The following UBTD2 variants were observed in gnomAD, a reference collection of about 807,000 sequenced individuals.
UBTD2 encodes ubiquitin domain containing 2, also known as ubiquitin domain-containing protein 2.
UBTD2 carries 9 observed loss-of-function variants against 19.8 expected under a neutral mutation model. The observed-to-expected ratio is 0.46, with a 90% CI of 0.27 to 0.79. The LOEUF is 0.79. Among genes scored for constraint, UBTD2 ranks in the 30% least tolerant of loss-of-function variants. UBTD2 has a pLI of 0.14. For missense variants in UBTD2, 250 were observed against 300.4 expected, an observed-to-expected ratio of 0.83 and a Z score of 1.24; for synonymous variants, 98 against 103.9, an observed-to-expected ratio of 0.94 and a Z score of 0.35.
chr5:172,237,857 T>C (rs17074539), intron 1 of UBTD2, among the ~76,000 whole-genome samples: 7,484 of 152,344 alleles, frequency 0.049, 247 homozygotes, highest in Non-Finnish European at 0.075. Flanking sequence ...TGAAATAACA[T>C]CTTTAAGTCC....
intron 1 of UBTD2, among the ~76,000 whole-genome samples, chr5:172,261,194 G>A (rs1378936670): frequency 6.6e-6 from 1 of 152,124 alleles, no homozygotes; most frequent in Non-Finnish European, 1.5e-5. Flanking sequence ...TATAAAACCA[G>A]AAGGTGACCC....
intron 1 of UBTD2, among the ~76,000 whole-genome samples, chr5:172,243,871 C>CT (rs1217864007): frequency 3.5e-4 from 53 of 151,952 alleles, no homozygotes; most frequent in Admixed American, 1.1e-3. Context: ...TAATGGAATT[C>CT]TTTTTTTACA....
intron 2 of UBTD2, among the ~76,000 whole-genome samples, chr5:172,218,856 C>T (rs1771600066): frequency 7.0e-6 from 1 of 142,212 alleles, no homozygotes; most frequent in Non-Finnish European, 1.6e-5. Flanking sequence ...AAGCTGATTA[C>T]AAGGTTTTAT....
chr5:172,258,262 T>G (rs1232826875), intron 1 of UBTD2, among the ~76,000 whole-genome samples: 1 of 152,236 alleles, frequency 6.6e-6, no homozygotes, highest in African/African-American at 2.4e-5. Context: ...GGGAGTCCTT[T>G]CCCCACTGCT....
intron 1 of UBTD2, among the ~76,000 whole-genome samples, chr5:172,263,801 C>A (rs1444156400): frequency 3.3e-5 from 5 of 150,408 alleles, no homozygotes; most frequent in South Asian, 4.2e-4. Flanking sequence ...TCAAAAAAAA[C>A]CACAAAATCT....
At chr5:172,228,200 C>A (rs1219648443) in intron 2 of UBTD2, among the ~76,000 whole-genome samples, 1 of 152,150 alleles carries the variant, frequency 6.6e-6, no homozygotes, top group Non-Finnish European at 1.5e-5. Flanking sequence ...AGACTAAACA[C>A]TGAAGATTAC....
intron 1 of UBTD2, among the ~76,000 whole-genome samples, chr5:172,237,361 G>C (rs1982851): frequency 0.32 from 49,283 of 152,038 alleles, 8,080 homozygotes; most frequent in South Asian, 0.42. Context: ...CAAAGTGCTG[G>C]AATTACAGGC....
intron 1 of UBTD2, among the ~76,000 whole-genome samples, chr5:172,270,410 T>C (rs1755463062): frequency 7.2e-6 from 1 of 138,616 alleles, no homozygotes; most frequent in African/African-American, 2.8e-5. Context: ...CAGGCCGGAG[T>C]GCAATGGTGC....
chr5:172,232,316 T>TAAAAAAA (rs10558751), intron 2 of UBTD2, among the ~76,000 whole-genome samples: 1 of 132,036 alleles, frequency 7.6e-6, no homozygotes, highest in African/African-American at 2.7e-5. Context: ...CTCACTGTCA[T>TAAAAAAA]AAAAAAAAAA....
At chr5:172,256,037 C>T (rs1324837767) in intron 1 of UBTD2, among the ~76,000 whole-genome samples, 1 of 151,156 alleles carries the variant, frequency 6.6e-6, no homozygotes, top group Non-Finnish European at 1.5e-5. Flanking sequence ...TGCAGTGAGC[C>T]GAGATCACAC....
At chr5:172,272,836 T>C (rs1179313124) in intron 1 of UBTD2, among the ~76,000 whole-genome samples, 2 of 152,048 alleles carry the variant, frequency 1.3e-5, no homozygotes, top group African/African-American at 4.8e-5. Context: ...ATCCCAGCAC[T>C]TTGGGAGGCC....
At chr5:172,237,291 A>G (rs1440351019) in intron 1 of UBTD2, among the ~76,000 whole-genome samples, 4 of 151,948 alleles carry the variant, frequency 2.6e-5, no homozygotes, top group African/African-American at 9.7e-5. Flanking sequence ...ACGGGGTTTC[A>G]CCATATTGGC....
At chr5:172,242,666 C>T (rs1561857269) in intron 1 of UBTD2, among the ~76,000 whole-genome samples, 4 of 152,196 alleles carry the variant, frequency 2.6e-5, no homozygotes, top group Admixed American at 2.6e-4. Context: ...GTTAAGGCAA[C>T]TGAATGTCAC....
intron 1 of UBTD2, among the ~76,000 whole-genome samples, chr5:172,264,239 A>G (rs1309234151): frequency 6.6e-6 from 1 of 151,830 alleles, no homozygotes; most frequent in African/African-American, 2.4e-5. Context: ...CATCCTCTAA[A>G]ATGTCTGCTT....
At chr5:172,252,377 A>G (rs1755042391) in intron 1 of UBTD2, 1 of 152,224 alleles carries the variant, frequency 6.6e-6, no homozygotes, top group Non-Finnish European at 1.5e-5. Flanking sequence ...ACAGGAAGCC[A>G]GCGGCACCAA....
chr5:172,278,766 A>G (rs1755655070), intron 1 of UBTD2, among the ~76,000 whole-genome samples: 2 of 152,078 alleles, frequency 1.3e-5, no homozygotes, highest in Non-Finnish European at 2.9e-5. Flanking sequence ...ATGTTTTGCC[A>G]CAATTTTATT....
chr5:172,255,486 T>A (rs1003257649), intron 1 of UBTD2: 2 of 365,748 alleles, frequency 5.5e-6, no homozygotes, highest in Non-Finnish European at 1.1e-5. Context: ...GAGGTGTGGT[T>A]AGGGACGCCG....
At chr5:172,242,938 A>G (rs1423880880) in intron 1 of UBTD2, among the ~76,000 whole-genome samples, 2 of 152,148 alleles carry the variant, frequency 1.3e-5, no homozygotes, top group Non-Finnish European at 2.9e-5. Context: ...TAGTCAATAT[A>G]TTAAAATAAA....
intron 1 of UBTD2, among the ~76,000 whole-genome samples, chr5:172,239,312 T>C (rs12659591): frequency 0.32 from 49,042 of 151,972 alleles, 8,001 homozygotes; most frequent in South Asian, 0.42. Flanking sequence ...TCTCACTGGG[T>C]GCGGTGGCTC....
Sources: gnomAD v4.1 joint callset for allele counts (sites outside exome capture counted in the v4.1 genomes callset) on GRCh38, gnomAD v4.1.1 for gene constraint, MANE v1.5 for transcripts, NCBI Gene and HGNC (gene_info 2026-07-23, HGNC 2026-07-21) for gene names.